TRPV2: variants seen among roughly 807,000 people sequenced by gnomAD.
The protein encoded by TRPV2 is OTRPC2.
In TRPV2, 58 loss-of-function variants were observed where a neutral mutation model predicts 91.0. The ratio of observed to expected loss-of-function variants is 0.64; its 90% CI spans 0.52 to 0.79. TRPV2 has a LOEUF of 0.79. Ranked by LOEUF, TRPV2 falls within the 30% of genes least tolerant of loss-of-function variation. The probability of loss-of-function intolerance (pLI) is 0.00; values close to 1 mark genes in which losing one functional copy is unlikely to be tolerated. For missense variants in TRPV2, 807 were observed against 969.6 expected, an observed-to-expected ratio of 0.83 and a Z score of 2.23; for synonymous variants, 417 against 414.8, an observed-to-expected ratio of 1.01 and a Z score of -0.06.
In TRPV2 at chr17:16,431,189, C is replaced by T. The variant is rs529588811; in HGVS notation, c.1588-595C>T. Reference sequence around the variant, plus strand: ...GTCTCAGCCTCCTGAGTAGCTGGCACTGTAGGCTTGTGCCACCATGCCCAG... The same window carrying T: ...GTCTCAGCCTCCTGAGTAGCTGGCATTGTAGGCTTGTGCCACCATGCCCAG... On this transcript the variant is annotated intron_variant, in intron 10 of 14. Coordinates refer to ENST00000338560, the MANE Select transcript of TRPV2 (RefSeq NM_016113.5). Among the ~76,000 whole-genome samples, 460 of 141,118 alleles carry T rather than the reference C, an allele frequency of 3.3e-3. 2 individuals carry two copies. Among genetic ancestry groups the T allele is most frequent in the African/African-American group, 0.011 (422 of 37,760 alleles). 92.6% of individuals were successfully genotyped at this position (141,118 alleles called of 152,430 possible).
intron 1 of TRPV2, among the ~76,000 whole-genome samples, chr17:16,417,188 G>T (rs796442692): frequency 1.1e-4 from 17 of 152,120 alleles, no homozygotes; most frequent in African/African-American, 4.1e-4. Context: ...CCCACACAGT[G>T]GGTGGACCTA....
At chr17:16,431,896 C>G in intron 11 of TRPV2, 46 bp downstream of exon 11, 1 of 1,613,562 alleles carries the variant, frequency 6.2e-7, no homozygotes, top group Non-Finnish European at 8.5e-7. Flanking sequence ...CGTTCCTTGT[C>G]CACCCTGTAC....
At chr17:16,423,028 T>G in intron 4 of TRPV2, 139 bp downstream of exon 4, 2 of 1,091,088 alleles carry the variant, frequency 1.8e-6, no homozygotes, top group South Asian at 3.3e-5. Flanking sequence ...ACCACTAGGC[T>G]GCCTGCAAAA....
chr17:16,433,498 G>A (rs2093422396), intron 12 of TRPV2, 76 bp from the exon 13 acceptor site: 1 of 1,576,624 alleles, frequency 6.3e-7, no homozygotes, highest in African/African-American at 1.3e-5. Flanking sequence ...GCACTTCCCT[G>A]CTCCGCTTGC....
Position 16,432,228 on chromosome 17 carries a change from C to G in TRPV2, c.1917C>G (p.Asn639Lys). ...TGCTCACCTACATCCTGCTGCTCAA[C>G]ATGCTCATCGCCCTCATGAGCGAGA... ...YVLLTYILLL[N>K]MLIALMSETV... Residue 639 changes from asparagine (N) to lysine (K), a missense_variant, in exon 12 of 15, where the codon AAC becomes AAG. Coordinates refer to ENST00000338560, the MANE Select transcript of TRPV2 (RefSeq NM_016113.5). 1.2e-6 allele frequency: 2 copies of G among 1,614,162 alleles called. No homozygotes were observed. Among genetic ancestry groups the G allele is most frequent in the Non-Finnish European group, 1.7e-6 (2 of 1,179,986 alleles).
chr17:16,423,436 G>T, intron 4 of TRPV2, 33 bp from the exon 5 acceptor site: 1 of 1,563,868 alleles, frequency 6.4e-7, no homozygotes, highest in Non-Finnish European at 8.7e-7. Flanking sequence ...AAAGCAGGAG[G>T]CCTGGGGCCC....
intron 2 of TRPV2, among the ~76,000 whole-genome samples, chr17:16,418,584 C>T (rs2093342005): frequency 6.6e-6 from 1 of 152,086 alleles, no homozygotes; most frequent in African/African-American, 2.4e-5. Context: ...CAGGCTAGAG[C>T]TGCTTCCTGT....
chr17:16,432,212 A>G lies in TRPV2; in HGVS notation c.1901A>G (p.Tyr634Cys), dbSNP rs2093416597. ...CTGCTGGCCTACGTGCTGCTCACCT[A>G]CATCCTGCTGCTCAACATGCTCATC... ...LLLLAYVLLT[Y>C]ILLLNMLIAL... The change falls in exon 12 of 15, where the codon TAC becomes TGC. Residue 634 changes from tyrosine (Y) to cysteine (C), a missense_variant. By Grantham distance (194) the Tyr-to-Cys change is radical (BLOSUM62 -2). Coordinates refer to ENST00000338560, the MANE Select transcript of TRPV2 (RefSeq NM_016113.5). 3.1e-6 allele frequency: 5 copies of G among 1,614,022 alleles called. No individual in the cohort carries two copies. The highest frequency in any genetic ancestry group is 4.2e-6 in the Non-Finnish European group (5 of 1,180,016).
intron 9 of TRPV2, 64 bp downstream of exon 9, chr17:16,428,451 C>T: frequency 6.5e-7 from 1 of 1,545,142 alleles, no homozygotes; most frequent in African/African-American, 1.4e-5. Flanking sequence ...GCAGTTGTGG[C>T]AGAAGGCACC....
At position 16,420,103 on chromosome 17, in the gene TRPV2, C is replaced by T. The variant is rs771067282; in HGVS notation, c.201-12C>T. 17 of 1,610,238 alleles carry T rather than the reference C, an allele frequency of 1.1e-5. No homozygotes were observed. The highest frequency in any genetic ancestry group is 1.3e-5 in the African/African-American group (1 of 74,842). On this transcript the variant is annotated splice_polypyrimidine_tract_variant and intron_variant, in intron 2 of 14. Coordinates refer to ENST00000338560, the MANE Select transcript of TRPV2 (RefSeq NM_016113.5). ...CTTCTCCAGCATGAGTCACAAACCACATCCTCCACAGTCAGCCGGATCCAA... is the reference window on the plus strand; with the variant it reads ...CTTCTCCAGCATGAGTCACAAACCATATCCTCCACAGTCAGCCGGATCCAA...
chr17:16,422,544 C>T, intron 3 of TRPV2, 55 bp from the exon 4 acceptor site: 1 of 1,568,172 alleles, frequency 6.4e-7, no homozygotes, highest in Non-Finnish European at 8.7e-7. Flanking sequence ...TCGGGCAGCC[C>T]AGCCACTCCA....
rs372045525 is a variant in TRPV2, at chr17:16,425,067, C to G, written c.925-1032C>G. Among the ~76,000 whole-genome samples, 633 of 144,152 alleles carry G rather than the reference C, an allele frequency of 4.4e-3. 4 individuals carry two copies. The highest frequency in any genetic ancestry group is 0.016 in the African/African-American group (610 of 38,730). The allele number at this position is 144,152 out of a possible 152,430, so 94.6% of individuals were successfully genotyped here. A position where few individuals can be genotyped will look rare whatever the true frequency, so the allele number is the denominator to read the frequency against. On this transcript the variant is annotated intron_variant, in intron 5 of 14. Transcript: ENST00000338560. ...GAGATGGAGTTTCGCTCTTGTTGCCCAGGCTGGAGTACAATGGCGCGATCT... is the reference window on the plus strand; with the variant it reads ...GAGATGGAGTTTCGCTCTTGTTGCCGAGGCTGGAGTACAATGGCGCGATCT...
intron 2 of TRPV2, chr17:16,419,280 C>T (rs943293820): frequency 1.6e-4 from 75 of 469,668 alleles, no homozygotes; most frequent in Admixed American, 1.3e-3. Context: ...AGTCACCAGA[C>T]GCTGCTAGAT....
chr17:16,426,211 T>C lies in TRPV2; in HGVS notation c.1037T>C (p.Val346Ala). 6.2e-7 allele frequency: 1 copy of C among 1,614,144 alleles called. No homozygotes were observed. Among genetic ancestry groups the C allele is most frequent in the Non-Finnish European group, 8.5e-7 (1 of 1,180,020 alleles). ...GTGTCGCTGTATGACCTGGCTTCTG[T>C]GGACAGCTGTGAGGAGAACTCAGTG... ...VRVSLYDLAS[V>A]DSCEENSVLE... The change falls in exon 6 of 15, where the codon GTG becomes GCG. Residue 346 changes from valine to alanine, a missense_variant. Transcript: ENST00000338560. The surrounding 1 kb of genome is among the most constrained non-coding windows in gnomAD (Gnocchi z 6.0).
At chr17:16,429,367 G>A (rs1013534732) in intron 10 of TRPV2, among the ~76,000 whole-genome samples, 10 of 152,218 alleles carry the variant, frequency 6.6e-5, no homozygotes, top group African/African-American at 2.4e-4. Context: ...GCCGGGCCCT[G>A]TTCTAGGTGT....
chr17:16,436,788 G>A lies in TRPV2; in HGVS notation c.2195-1G>A, dbSNP rs2093435625. ...CTACAGTGCTTGCCATCTGTTTACA[G>A]GAACTCTCGAGAACCCTGTCCTGGC... On this transcript the variant is annotated splice_acceptor_variant, in intron 14 of 14. Transcript: ENST00000338560. LOFTEE classifies it high-confidence loss of function. The A allele has an allele frequency of 1.2e-6, 2 of 1,612,834 alleles. No individual in the cohort carries two copies. Among genetic ancestry groups the A allele is most frequent in the Non-Finnish European group, 1.7e-6 (2 of 1,178,884 alleles).
intron 8 of TRPV2, among the ~76,000 whole-genome samples, chr17:16,427,952 A>G (rs2093391614): frequency 6.6e-6 from 1 of 152,176 alleles, no homozygotes; most frequent in Non-Finnish European, 1.5e-5. Context: ...CCTGCAGGAC[A>G]CAGGCTGGAC....
rs2093430757 is a variant in TRPV2 at position 16,435,380 on chromosome 17, G to C, written c.2194+411G>C. ...TGTCACAGCGCAGCCTACAACAGAG[G>C]CAGCATCTCCCTGGACCCTCAGAGG... is the stretch of plus-strand genomic sequence containing the variant. On this transcript the variant is annotated intron_variant, in intron 14 of 14. Transcript: ENST00000338560. The surrounding 1 kb of genome is among the most constrained non-coding windows in gnomAD (Gnocchi z 4.2). Among the ~76,000 whole-genome samples the C allele has an allele frequency of 6.6e-6, 1 of 152,140 alleles. No individual in the cohort carries two copies. Among genetic ancestry groups the C allele is most frequent in the African/African-American group, 2.4e-5 (1 of 41,424 alleles).
chr17:16,422,883 T>C lies in TRPV2; in HGVS notation c.619T>C (p.Tyr207His). 3.2e-6 allele frequency: 5 copies of C among 1,560,786 alleles called. No individual in the cohort carries two copies. The highest frequency in any genetic ancestry group is 4.3e-6 in the Non-Finnish European group (5 of 1,151,034). ...CCAGAAGGGCCAAGGGACTTGCTTT[T>C]ATTTCGGTGAGTGAGCCTTTCTTGG... ...FFQKGQGTCFYFGELPLSLAA... is the reference protein window; with the variant it reads ...FFQKGQGTCFHFGELPLSLAA... The change falls in exon 4 of 15, where the codon TAT becomes CAT. Residue 207 changes from tyrosine (Y) to histidine (H), a missense_variant. By Grantham distance (83) the Tyr-to-His change is moderately conservative (BLOSUM62 2). Transcript: ENST00000338560.
Sources: allele counts gnomAD v4.1 joint callset (sites outside exome capture counted in the v4.1 genomes callset), GRCh38; gene constraint gnomAD v4.1.1; non-coding constraint Gnocchi (gnomAD v3.1); transcripts MANE v1.5; gene names NCBI Gene and HGNC (gene_info 2026-07-23, HGNC 2026-07-21).